SLC35F3: variants seen among roughly 807,000 people sequenced by gnomAD.
SLC35F3 encodes the protein solute carrier family 35 member F3, also known as putative thiamine transporter SLC35F3.
SLC35F3 carries 25 observed loss-of-function variants against 49.9 expected under a neutral mutation model. That is an observed-to-expected ratio of 0.50 (90% CI 0.37 to 0.70). SLC35F3 has a LOEUF of 0.70. Ranked by LOEUF, SLC35F3 falls within the 30% of genes least tolerant of loss-of-function variation. The pLI is 0.00. For missense variants in SLC35F3, 525 were observed against 639.8 expected, an observed-to-expected ratio of 0.82 and a Z score of 1.94; for synonymous variants, 275 against 265.4, an observed-to-expected ratio of 1.04 and a Z score of -0.35.
intron 2 of SLC35F3, among the ~76,000 whole-genome samples, chr1:234,227,485 G>T (rs1012165291): frequency 7.2e-6 from 1 of 138,874 alleles, no homozygotes; most frequent in South Asian, 2.6e-4. Flanking sequence ...TACAAGCTCC[G>T]CCTCCCAGGT....
intron 2 of SLC35F3, among the ~76,000 whole-genome samples, chr1:234,045,926 T>G (rs905494316): frequency 4.6e-5 from 7 of 152,146 alleles, no homozygotes; most frequent in African/African-American, 1.7e-4. Flanking sequence ...AGCAATATCC[T>G]TGTTCAACTA....
chr1:234,185,236 GAGA>G (rs1356751155), intron 2 of SLC35F3, among the ~76,000 whole-genome samples: 2 of 152,160 alleles, frequency 1.3e-5, no homozygotes, highest in Non-Finnish European at 2.9e-5. Context: ...TAGAGCCAAG[GAGA>G]AGGAGAGGAC....
At chr1:233,926,747 CT>C (rs1332580838) in intron 2 of SLC35F3, among the ~76,000 whole-genome samples, 1 of 152,166 alleles carries the variant, frequency 6.6e-6, no homozygotes, top group East Asian at 1.9e-4. Flanking sequence ...CTTTTCTTCT[CT>C]GGTTTCTCCC....
chr1:234,200,056 C>A (rs1666878217), intron 2 of SLC35F3, among the ~76,000 whole-genome samples: 1 of 152,160 alleles, frequency 6.6e-6, no homozygotes, highest in Non-Finnish European at 1.5e-5. Context: ...TTAATATCAC[C>A]ATTTCAGAAA....
chr1:234,116,041 T>G (rs1242417332), intron 2 of SLC35F3, among the ~76,000 whole-genome samples: 1 of 152,166 alleles, frequency 6.6e-6, no homozygotes, highest in Admixed American at 6.5e-5. Flanking sequence ...TTCTTTCAAG[T>G]CTTTGATCAG....
intron 2 of SLC35F3, among the ~76,000 whole-genome samples, chr1:233,967,133 C>A (rs1297475379): frequency 6.6e-6 from 1 of 152,156 alleles, no homozygotes; most frequent in Non-Finnish European, 1.5e-5. Context: ...TTGCTTGGGA[C>A]ATACTTATCC....
At chr1:234,245,812 G>A (rs77300180) in intron 3 of SLC35F3, among the ~76,000 whole-genome samples, 14 of 152,152 alleles carry the variant, frequency 9.2e-5, no homozygotes, top group South Asian at 2.1e-4. Flanking sequence ...AGGGTGGTCC[G>A]TGGTAATCAC....
intron 2 of SLC35F3, among the ~76,000 whole-genome samples, chr1:234,151,152 T>C (rs1666070008): frequency 6.6e-6 from 1 of 151,058 alleles, no homozygotes; most frequent in Admixed American, 6.6e-5. Flanking sequence ...TTGAGCAGGA[T>C]GGGGACAAAC....
At chr1:234,290,854 G>C (rs1445097090) in intron 3 of SLC35F3, among the ~76,000 whole-genome samples, 1 of 152,170 alleles carries the variant, frequency 6.6e-6, no homozygotes, top group Non-Finnish European at 1.5e-5. Context: ...CTACAAACTT[G>C]AAAAGTGATA....
chr1:234,008,884 G>T (rs975450240), intron 2 of SLC35F3, among the ~76,000 whole-genome samples: 3 of 152,140 alleles, frequency 2.0e-5, no homozygotes, highest in African/African-American at 7.2e-5. Context: ...CAAGTTTTTG[G>T]TGGACAAGAT....
chr1:234,261,170 G>A (rs949991280), intron 3 of SLC35F3, among the ~76,000 whole-genome samples: 1 of 151,948 alleles, frequency 6.6e-6, no homozygotes, highest in African/African-American at 2.4e-5. Flanking sequence ...CCCAAGAAAG[G>A]GTTCTTGGAT....
At chr1:234,025,098 A>G (rs1243068055) in intron 2 of SLC35F3, among the ~76,000 whole-genome samples, 3 of 152,206 alleles carry the variant, frequency 2.0e-5, no homozygotes, top group Non-Finnish European at 2.9e-5. Flanking sequence ...GGATTAATTC[A>G]CTTAGGATAA....
intron 2 of SLC35F3, among the ~76,000 whole-genome samples, chr1:233,985,031 G>C (rs1294572817): frequency 5.9e-5 from 9 of 152,128 alleles, no homozygotes; most frequent in Admixed American, 5.2e-4. Context: ...GTGCCCCTAA[G>C]AGGGGTCCCT....
chr1:233,925,295 T>C (rs556523141), intron 2 of SLC35F3, among the ~76,000 whole-genome samples: 17 of 152,326 alleles, frequency 1.1e-4, no homozygotes, highest in African/African-American at 3.8e-4. Context: ...TCTAAGGACT[T>C]GCTTTATGAA....
intron 2 of SLC35F3, among the ~76,000 whole-genome samples, chr1:234,157,174 A>G (rs2102911621): frequency 6.6e-6 from 1 of 152,336 alleles, no homozygotes; most frequent in East Asian, 1.9e-4. Flanking sequence ...TACTCTTAAC[A>G]ATAGGGGAAA....
At chr1:234,003,420 A>G (rs1663582247) in intron 2 of SLC35F3, among the ~76,000 whole-genome samples, 1 of 152,178 alleles carries the variant, frequency 6.6e-6, no homozygotes, top group Non-Finnish European at 1.5e-5. Flanking sequence ...TTCCAACAGG[A>G]AAAAACAGAT....
At chr1:234,194,111 T>C (rs1187635754) in intron 2 of SLC35F3, among the ~76,000 whole-genome samples, 1 of 146,800 alleles carries the variant, frequency 6.8e-6, no homozygotes, top group Non-Finnish European at 1.5e-5. Context: ...ACTGGGTATA[T>C]ACCCAGAGGA....
At chr1:234,233,942 G>A (rs1257574830) in intron 3 of SLC35F3, among the ~76,000 whole-genome samples, 1 of 152,142 alleles carries the variant, frequency 6.6e-6, no homozygotes, top group Non-Finnish European at 1.5e-5. Flanking sequence ...CAATTATTAG[G>A]CATGTCAATC....
intron 6 of SLC35F3, among the ~76,000 whole-genome samples, chr1:234,319,633 T>C (rs1217294768): frequency 6.6e-6 from 1 of 152,138 alleles, no homozygotes; most frequent in Non-Finnish European, 1.5e-5. Context: ...GCAGAGGGAT[T>C]GAGGCTGCAG....
Sources: allele counts gnomAD v4.1 joint callset (sites outside exome capture counted in the v4.1 genomes callset), GRCh38; gene constraint gnomAD v4.1.1; transcripts MANE v1.5; gene names NCBI Gene and HGNC (gene_info 2026-07-23, HGNC 2026-07-21).